SAMD3: variants seen among roughly 807,000 people sequenced by gnomAD.
SAMD3 encodes sterile alpha motif domain containing 3.
In SAMD3, 63 loss-of-function variants were observed where a neutral mutation model predicts 58.5. The ratio of observed to expected loss-of-function variants is 1.08; its 90% CI spans 0.88 to 1.33. The LOEUF (loss-of-function observed/expected upper bound fraction) is 1.33, where lower values mean the gene tolerates loss of function less well. Ranked by LOEUF, SAMD3 falls within the 40% of genes most tolerant of loss-of-function variation. The probability of loss-of-function intolerance (pLI) is 0.00; values close to 1 mark genes in which losing one functional copy is unlikely to be tolerated. For missense variants in SAMD3, 604 were observed against 608.4 expected (o/e 0.99, Z 0.08); for synonymous variants, 220 against 210.3 (o/e 1.05, Z -0.40).
intron 5 of SAMD3, among the ~76,000 whole-genome samples, chr6:130,206,603 C>T (rs1018132715): frequency 6.6e-6 from 1 of 152,168 alleles, no homozygotes; most frequent in African/African-American, 2.4e-5. Context: ...TAAGGCAGGA[C>T]AGATAAGTTT....
At chr6:130,271,008 T>G (rs4895871) in intron 2 of SAMD3, among the ~76,000 whole-genome samples, 1 of 150,716 alleles carries the variant, frequency 6.6e-6, no homozygotes, top group African/African-American at 2.4e-5. Flanking sequence ...TTTTTTTTTG[T>G]TTTTTTTTCC....
chr6:130,273,818 T>C (rs567610745), intron 2 of SAMD3, among the ~76,000 whole-genome samples: 75 of 152,314 alleles, frequency 4.9e-4, no homozygotes, highest in African/African-American at 1.7e-3. Flanking sequence ...ATTTATATTA[T>C]TGATGTCAAA....
Position 130,358,189 on chromosome 6 carries a change from C to A in SAMD3, c.-304+6931G>T, listed in dbSNP as rs556085351. On this transcript the variant is annotated intron_variant, in intron 1 of 13. Transcript: ENST00000368134. ...GCAGGATATTTAAAAATCAAGCAAC[C>A]ATTACCTTGCCTTTTTCTGTGTTTT... Among the ~76,000 whole-genome samples the A allele has an allele frequency of 1.6e-4, 24 of 152,244 alleles. No individual in the cohort carries two copies. In the South Asian group the frequency reaches 2.5e-3, roughly 16 times the overall value.
intron 2 of SAMD3, among the ~76,000 whole-genome samples, chr6:130,238,805 C>A (rs1273735813): frequency 2.6e-5 from 4 of 152,176 alleles, no homozygotes; most frequent in Admixed American, 6.5e-5. Context: ...GTCGCCCAGG[C>A]TGGAGTGTAG....
At chr6:130,297,566 G>A (rs923792581) in intron 2 of SAMD3, among the ~76,000 whole-genome samples, 1 of 151,970 alleles carries the variant, frequency 6.6e-6, no homozygotes, top group African/African-American at 2.4e-5. Context: ...GACAGAAAAA[G>A]AATTCAAAAT....
At chr6:130,347,868 C>T (rs1323382224) in intron 1 of SAMD3, among the ~76,000 whole-genome samples, 2 of 152,228 alleles carry the variant, frequency 1.3e-5, no homozygotes, top group Non-Finnish European at 2.9e-5. Flanking sequence ...ATCAGACTAA[C>T]AACTGATCTC....
intron 1 of SAMD3, among the ~76,000 whole-genome samples, chr6:130,335,930 C>T (rs1292603232): frequency 2.0e-5 from 3 of 151,760 alleles, no homozygotes; most frequent in Non-Finnish European, 2.9e-5. Context: ...AACCAAACAC[C>T]GCATATTCTC....
At chr6:130,195,228 C>A in intron 5 of SAMD3, among the ~76,000 whole-genome samples, 1 of 152,078 alleles carries the variant, frequency 6.6e-6, no homozygotes, top group South Asian at 2.1e-4. Flanking sequence ...CCTACCTTAA[C>A]CCACAAGTAT....
At chr6:130,150,044 T>C (rs1450114365) in intron 9 of SAMD3, among the ~76,000 whole-genome samples, 3 of 152,296 alleles carry the variant, frequency 2.0e-5, no homozygotes, top group South Asian at 2.1e-4. Flanking sequence ...ACGCACATGG[T>C]GATGTTTTCA....
intron 7 of SAMD3, among the ~76,000 whole-genome samples, chr6:130,179,934 C>G (rs968560585): frequency 6.6e-6 from 1 of 151,152 alleles, no homozygotes; most frequent in Admixed American, 6.6e-5. Context: ...CCTGCCTCAG[C>G]CTCCCGTGTA....
intron 7 of SAMD3, among the ~76,000 whole-genome samples, chr6:130,182,221 G>T (rs72982530): frequency 0.11 from 16,553 of 151,850 alleles, 1,109 homozygotes; most frequent in African/African-American, 0.19. Context: ...CCAGGTTTGT[G>T]TAGTATTGTT....
rs72984544 is a variant in SAMD3 at position 130,218,813 on chromosome 6, C to A, written c.-67-2197G>T. The stretch of plus-strand genomic sequence containing the variant: ...TATAATGAACTCAAAGTAAAAAAAA[C>A]CAGAAAAAAACGAGTCATGTTTTGG... On this transcript the variant is annotated intron_variant, in intron 1 of 11. Transcript: ENST00000439090. Among the ~76,000 whole-genome samples, 1,224 of 152,004 alleles carry A rather than the reference C, an allele frequency of 8.1e-3. 5 individuals are homozygous for A. Among genetic ancestry groups the A allele is most frequent in the African/African-American group, 0.021 (888 of 41,462 alleles).
At chr6:130,227,788 C>CA (rs113229702), upstream of SAMD3, among the ~76,000 whole-genome samples, 29,870 of 126,508 alleles carry the variant, frequency 0.24, 7,064 homozygotes, top group African/African-American at 0.61. Flanking sequence ...AACTCCATCT[C>CA]AAAAAAAAAA....
chr6:130,311,446 G>A (rs2114988717), intron 2 of SAMD3, among the ~76,000 whole-genome samples: 1 of 152,284 alleles, frequency 6.6e-6, no homozygotes, highest in African/African-American at 2.4e-5. Context: ...CCATAGAGCA[G>A]TATTCCGAAG....
At chr6:130,215,583 G>T in intron 2 of SAMD3, 1 of 1,352,122 alleles carries the variant, frequency 7.4e-7, no homozygotes, top group Non-Finnish European at 9.5e-7. Context: ...CTAACAGACA[G>T]CCAGGGACAT....
At chr6:130,290,217 T>C (rs1431289573) in intron 2 of SAMD3, among the ~76,000 whole-genome samples, 1 of 152,168 alleles carries the variant, frequency 6.6e-6, no homozygotes, top group Non-Finnish European at 1.5e-5. Flanking sequence ...TTCGTGTGAT[T>C]ATGCGGACTG....
intron 5 of SAMD3, among the ~76,000 whole-genome samples, chr6:130,188,812 C>T (rs1793244650): frequency 6.6e-6 from 1 of 152,140 alleles, no homozygotes; most frequent in Non-Finnish European, 1.5e-5. Flanking sequence ...GCTTCTCTTC[C>T]AATCTCTCTG....
At chr6:130,318,763 C>A (rs1199413830) in intron 1 of SAMD3, among the ~76,000 whole-genome samples, 1 of 152,028 alleles carries the variant, frequency 6.6e-6, no homozygotes, top group Non-Finnish European at 1.5e-5. Flanking sequence ...TGGAAAGACA[C>A]AGGAAAACAG....
At chr6:130,365,725 A>G, upstream of SAMD3, 1 of 985,406 alleles carries the variant, frequency 1.0e-6, no homozygotes, top group Non-Finnish European at 1.2e-6. Flanking sequence ...GCAAGCGGGT[A>G]CTTTGTTCCC....
Sources: allele counts gnomAD v4.1 joint callset (sites outside exome capture counted in the v4.1 genomes callset), GRCh38; gene constraint gnomAD v4.1.1; transcripts MANE v1.5; gene names NCBI Gene and HGNC (gene_info 2026-07-23, HGNC 2026-07-21).